XRCC4: variants seen among roughly 807,000 people sequenced by gnomAD.
XRCC4 encodes the protein DNA repair protein XRCC4.
In XRCC4, 28 loss-of-function variants were observed where a neutral mutation model predicts 39.1. That is an observed-to-expected ratio of 0.72 (90% CI 0.53 to 0.98). XRCC4 has a LOEUF of 0.98. XRCC4 is among the 50% of genes least tolerant of loss of function. The pLI is 0.00. For missense variants in XRCC4, 350 were observed against 376.4 expected, an observed-to-expected ratio of 0.93 and a Z score of 0.58; for synonymous variants, 123 against 126.4, an observed-to-expected ratio of 0.97 and a Z score of 0.18.
intron 7 of XRCC4, among the ~76,000 whole-genome samples, chr5:83,311,344 C>A (rs1223638127): frequency 1.3e-5 from 2 of 152,034 alleles, no homozygotes; most frequent in Non-Finnish European, 2.9e-5. Context: ...TTCAAAATAG[C>A]TAGAAGAGAA....
intron 7 of XRCC4, among the ~76,000 whole-genome samples, chr5:83,259,586 G>A (rs1016390040): frequency 3.9e-5 from 6 of 151,942 alleles, no homozygotes; most frequent in Non-Finnish European, 8.8e-5. Flanking sequence ...AAATCCAACT[G>A]TTTTCAATCA....
At chr5:83,196,033 A>C in intron 4 of XRCC4, 97 bp downstream of exon 4, 4 of 1,220,750 alleles carry the variant, frequency 3.3e-6, no homozygotes, top group Non-Finnish European at 4.4e-6. Flanking sequence ...ATATATGTGG[A>C]TTAGCACATA....
chr5:83,190,037 C>T (rs1261046129), intron 3 of XRCC4, among the ~76,000 whole-genome samples: 1 of 152,068 alleles, frequency 6.6e-6, no homozygotes, highest in African/African-American at 2.4e-5. Context: ...GCACTCCAGC[C>T]TGCGTGACAG....
intron 6 of XRCC4, among the ~76,000 whole-genome samples, chr5:83,225,978 C>A (rs1030127970): frequency 3.3e-5 from 5 of 151,948 alleles, no homozygotes; most frequent in African/African-American, 1.2e-4. Context: ...CTGCAGATAG[C>A]TCTAAAAACT....
intron 7 of XRCC4, among the ~76,000 whole-genome samples, chr5:83,272,028 T>G (rs1306167450): frequency 6.6e-6 from 1 of 152,228 alleles, no homozygotes. Context: ...GAAATTTGTG[T>G]AACATGCTGG....
At chr5:83,215,555 C>T (rs578063211) in intron 6 of XRCC4, among the ~76,000 whole-genome samples, 1 of 151,998 alleles carries the variant, frequency 6.6e-6, no homozygotes, top group South Asian at 2.1e-4. Flanking sequence ...AAAGTTACTA[C>T]AAAGATATAA....
At chr5:83,330,439 C>T (rs952333539) in intron 7 of XRCC4, among the ~76,000 whole-genome samples, 4 of 151,840 alleles carry the variant, frequency 2.6e-5, no homozygotes, top group Admixed American at 6.6e-5. Flanking sequence ...ATAAGAAGAA[C>T]ACTAGCTACA....
intron 7 of XRCC4, chr5:83,280,408 C>A: frequency 1.6e-6 from 1 of 617,222 alleles, no homozygotes; most frequent in South Asian, 1.9e-5. Context: ...ATATTCTTTC[C>A]TTTTGTTTAT....
At chr5:83,367,519 C>T in the XRCC4 span, among the ~76,000 whole-genome samples, 1 of 152,188 alleles carries the variant, frequency 6.6e-6, no homozygotes, top group Non-Finnish European at 1.5e-5. Flanking sequence ...ACTCTGCTCA[C>T]TTCTCAAGCT....
chr5:83,307,884 C>T (rs1036071824), intron 7 of XRCC4, among the ~76,000 whole-genome samples: 5 of 152,106 alleles, frequency 3.3e-5, no homozygotes, highest in African/African-American at 1.2e-4. Flanking sequence ...ACGGAAAATT[C>T]CAGATGAAAT....
chr5:83,332,998 A>C (rs1756484970), intron 7 of XRCC4, among the ~76,000 whole-genome samples: 1 of 152,180 alleles, frequency 6.6e-6, no homozygotes, highest in Non-Finnish European at 1.5e-5. Flanking sequence ...CATACATAAC[A>C]AGCTTAAACA....
At chr5:83,104,120 C>T (rs1475036594) in intron 1 of XRCC4, among the ~76,000 whole-genome samples, 1 of 152,134 alleles carries the variant, frequency 6.6e-6, no homozygotes, top group Non-Finnish European at 1.5e-5. Flanking sequence ...TCTGATGCAA[C>T]TTATCTCTAT....
intron 7 of XRCC4, among the ~76,000 whole-genome samples, chr5:83,348,828 C>T (rs1454369454): frequency 6.6e-6 from 1 of 152,158 alleles, no homozygotes; most frequent in Non-Finnish European, 1.5e-5. Flanking sequence ...AATTTCAGGT[C>T]ATTTCTTTGT....
chr5:83,255,369 C>G (rs1753499143), intron 6 of XRCC4, among the ~76,000 whole-genome samples: 1 of 151,902 alleles, frequency 6.6e-6, no homozygotes, highest in African/African-American at 2.4e-5. Flanking sequence ...AAACACAAAC[C>G]AAAAAAGATG....
chr5:83,330,398 A>G (rs964762979), intron 7 of XRCC4, among the ~76,000 whole-genome samples: 6 of 152,072 alleles, frequency 3.9e-5, no homozygotes, highest in African/African-American at 1.2e-4. Context: ...AAAAATATTT[A>G]TAGATGAATC....
intron 7 of XRCC4, among the ~76,000 whole-genome samples, chr5:83,333,704 AACC>A (rs1756506325): frequency 6.6e-6 from 1 of 152,170 alleles, no homozygotes; most frequent in Non-Finnish European, 1.5e-5. Flanking sequence ...AAGAATTTAT[AACC>A]ACGTTCTATT....
rs1323936835 is a variant in XRCC4, at chr5:83,336,867, T to C, written c.894-16264T>C. On this transcript the variant is annotated intron_variant, in intron 7 of 7. Coordinates refer to ENST00000396027, the MANE Select transcript of XRCC4 (RefSeq NM_003401.5). ...CTAAGTTAATGGTGTTAGTGTAAAT[T>C]TGTAAACATTTAAATTTATAAACAT... Among the ~76,000 whole-genome samples the C allele has an allele frequency of 5.9e-5, 9 of 152,276 alleles. No homozygotes were observed. The East Asian group carries it at 1.5e-3, about 26-fold the overall frequency.
At chr5:83,271,240 A>G (rs546666184) in intron 7 of XRCC4, among the ~76,000 whole-genome samples, 105 of 152,172 alleles carry the variant, frequency 6.9e-4, no homozygotes, top group Non-Finnish European at 1.3e-3. Context: ...ATTTATAATG[A>G]TAAGGAATTG....
chr5:83,123,291 C>A (rs886142951), intron 3 of XRCC4, among the ~76,000 whole-genome samples: 1 of 152,146 alleles, frequency 6.6e-6, no homozygotes, highest in East Asian at 1.9e-4. Flanking sequence ...TGAAATGACC[C>A]TCTAATTCTA....
Sources: gnomAD v4.1 joint callset for allele counts (sites outside exome capture counted in the v4.1 genomes callset) on GRCh38, gnomAD v4.1.1 for gene constraint, MANE v1.5 for transcripts, NCBI Gene and HGNC (gene_info 2026-07-23, HGNC 2026-07-21) for gene names.